Variants in CEP128 observed in about 807,000 individuals in gnomAD.
CEP128 encodes centrosomal protein 128kDa.
Under a neutral mutation model 156.7 loss-of-function variants are expected in CEP128, and 132 were observed. The ratio of observed to expected loss-of-function variants is 0.84; its 90% CI spans 0.73 to 0.97. The LOEUF (loss-of-function observed/expected upper bound fraction) is 0.97, where lower values mean the gene tolerates loss of function less well. CEP128 is among the 50% of genes least tolerant of loss of function. The pLI, the probability that CEP128 is intolerant of heterozygous loss-of-function variation, is 0.00. For synonymous variants in CEP128, 469 were observed against 448.9 expected, an observed-to-expected ratio of 1.04 and a Z score of -0.57; for missense variants, 1,252 against 1,281.9, an observed-to-expected ratio of 0.98 and a Z score of 0.36.
intron 19 of CEP128, among the ~76,000 whole-genome samples, chr14:80,609,269 T>C (rs1032430164): frequency 6.7e-6 from 1 of 149,758 alleles, no homozygotes; most frequent in Non-Finnish European, 1.5e-5. Context: ...GCATGACTCA[T>C]TTTTTTTTTC....
intron 19 of CEP128, among the ~76,000 whole-genome samples, chr14:80,633,214 T>C (rs1263120754): frequency 6.7e-6 from 1 of 148,230 alleles, no homozygotes; most frequent in Non-Finnish European, 1.5e-5. Context: ...GGTGCCAGAG[T>C]TAGACCCTGC....
chr14:80,804,680 C>A (rs956141158), intron 13 of CEP128, among the ~76,000 whole-genome samples: 1 of 151,802 alleles, frequency 6.6e-6, no homozygotes, highest in African/African-American at 2.4e-5. Context: ...AATTGTATTC[C>A]TATTTTGTAT....
intron 19 of CEP128, among the ~76,000 whole-genome samples, chr14:80,685,213 A>G (rs1896479563): frequency 6.6e-6 from 1 of 152,124 alleles, no homozygotes; most frequent in Admixed American, 6.6e-5. Flanking sequence ...AGACTTGGCA[A>G]AAGGCTACTG....
intron 4 of CEP128, among the ~76,000 whole-genome samples, chr14:80,910,318 A>T (rs1243970731): frequency 6.6e-6 from 1 of 152,148 alleles, no homozygotes. Flanking sequence ...CCGAATTCTC[A>T]TGTTCAATTA....
chr14:80,575,280 A>G (rs8004110), intron 20 of CEP128, among the ~76,000 whole-genome samples: 87,180 of 151,720 alleles, frequency 0.57, 25,388 homozygotes, highest in East Asian at 0.72. Flanking sequence ...AAAAATACTT[A>G]TGACAACATT....
intron 2 of CEP128, among the ~76,000 whole-genome samples, chr14:80,935,870 A>G (rs1885776460): frequency 6.6e-6 from 1 of 152,194 alleles, no homozygotes; most frequent in Admixed American, 6.5e-5. Context: ...TAACCCCAAC[A>G]GTAGCCCTAG....
At chr14:80,759,659 C>T (rs1595359123) in intron 17 of CEP128, among the ~76,000 whole-genome samples, 1 of 152,116 alleles carries the variant, frequency 6.6e-6, no homozygotes, top group African/African-American at 2.4e-5. Flanking sequence ...GATCTATTTT[C>T]CACCCAAGAC....
In CEP128 at chr14:80,935,636, G is replaced by C. The variant is rs1169436494; in HGVS notation, c.-16+3749C>G. Among the ~76,000 whole-genome samples, 5 of 53,796 alleles carry C rather than the reference G, an allele frequency of 9.3e-5. 1 individual carries two copies. The East Asian group carries it at 3.0e-3, about 33-fold the overall frequency. The allele number at this position is 53,796 out of a possible 152,430, so 35.3% of individuals were successfully genotyped here. A position where few individuals can be genotyped will look rare whatever the true frequency, so the allele number is the denominator to read the frequency against. On this transcript the variant is annotated intron_variant, in intron 2 of 24. Coordinates refer to ENST00000555265, the MANE Select transcript of CEP128 (RefSeq NM_152446.5). ...ACTTATTGTTGTATTCAAGCTATGAGTCCCCCCACCAAAAAAAAAAAAAAA... is the reference window on the plus strand; with the variant it reads ...ACTTATTGTTGTATTCAAGCTATGACTCCCCCCACCAAAAAAAAAAAAAAA...
At chr14:80,588,710 C>G (rs1239258464) in intron 19 of CEP128, among the ~76,000 whole-genome samples, 2 of 152,088 alleles carry the variant, frequency 1.3e-5, no homozygotes, top group African/African-American at 4.8e-5. Context: ...TACAGCTCAG[C>G]TCTATTCAAA....
intron 19 of CEP128, among the ~76,000 whole-genome samples, chr14:80,638,786 G>A (rs1420516640): frequency 6.6e-6 from 1 of 152,118 alleles, no homozygotes; most frequent in Admixed American, 6.5e-5. Context: ...TAAGTAGTCT[G>A]AACACAGGTC....
intron 19 of CEP128, among the ~76,000 whole-genome samples, chr14:80,702,991 C>T (rs1052424017): frequency 1.3e-5 from 2 of 151,734 alleles, no homozygotes; most frequent in South Asian, 4.2e-4. Context: ...TATGTATGTA[C>T]GTATGTATTT....
chr14:80,791,891 A>G (rs1264396363), intron 14 of CEP128, among the ~76,000 whole-genome samples: 2 of 152,176 alleles, frequency 1.3e-5, no homozygotes, highest in Non-Finnish European at 2.9e-5. Flanking sequence ...AATGCCCTAT[A>G]TTTTGTTTTC....
chr14:80,566,165 A>G (rs993067345), intron 20 of CEP128, among the ~76,000 whole-genome samples: 2 of 152,092 alleles, frequency 1.3e-5, no homozygotes, highest in East Asian at 1.9e-4. Context: ...AATCCACTCA[A>G]CTTCACCCAA....
At chr14:80,734,522 T>C (rs901918395) in intron 19 of CEP128, among the ~76,000 whole-genome samples, 2 of 151,942 alleles carry the variant, frequency 1.3e-5, no homozygotes, top group African/African-American at 4.8e-5. Flanking sequence ...GTCTGGCACA[T>C]AGCAATAAAT....
intron 21 of CEP128, among the ~76,000 whole-genome samples, chr14:80,539,680 A>G (rs1889652719): frequency 6.6e-6 from 1 of 152,210 alleles, no homozygotes; most frequent in African/African-American, 2.4e-5. Flanking sequence ...GAAGACAATC[A>G]TAAGGTCTGA....
chr14:80,623,743 A>G (rs1893590953), intron 19 of CEP128, among the ~76,000 whole-genome samples: 1 of 152,216 alleles, frequency 6.6e-6, no homozygotes, highest in Non-Finnish European at 1.5e-5. Context: ...TGGATTTTTT[A>G]ATGTAAAAAA....
intron 2 of CEP128, among the ~76,000 whole-genome samples, chr14:80,950,717 A>G (rs1886445128): frequency 6.6e-6 from 1 of 152,150 alleles, no homozygotes; most frequent in Non-Finnish European, 1.5e-5. Flanking sequence ...GATAAGGGGG[A>G]AAATCATAGA....
chr14:80,683,654 C>T (rs1025441180), intron 19 of CEP128, among the ~76,000 whole-genome samples: 4 of 152,070 alleles, frequency 2.6e-5, no homozygotes, highest in African/African-American at 9.7e-5. Context: ...CCTATAAACA[C>T]ACAATATACA....
At chr14:80,716,140 G>T (rs1297621825) in intron 19 of CEP128, among the ~76,000 whole-genome samples, 1 of 152,104 alleles carries the variant, frequency 6.6e-6, no homozygotes, top group Admixed American at 6.6e-5. Context: ...AAGTTGATAG[G>T]ATTATTCAAT....
Sources: allele counts gnomAD v4.1 joint callset (sites outside exome capture counted in the v4.1 genomes callset), GRCh38; gene constraint gnomAD v4.1.1; transcripts MANE v1.5; gene names NCBI Gene and HGNC (gene_info 2026-07-23, HGNC 2026-07-21).